GABBR2: variants seen among roughly 807,000 people sequenced by gnomAD.
GABBR2 encodes G-protein coupled receptor 51.
A neutral mutation model predicts 105.6 loss-of-function variants in GABBR2; 23 were observed. The observed-to-expected ratio is 0.22, with a 90% CI of 0.16 to 0.31. The LOEUF is 0.31. GABBR2 is among the 10% of genes least tolerant of loss of function. GABBR2 has a pLI of 1.00. For missense variants in GABBR2, 734 were observed against 1,245.5 expected, an observed-to-expected ratio of 0.59 and a Z score of 6.18; for synonymous variants, 478 against 499.7, an observed-to-expected ratio of 0.96 and a Z score of 0.58.
At chr9:98,694,488 C>A (rs1830724292) in intron 1 of GABBR2, among the ~76,000 whole-genome samples, 1 of 152,254 alleles carries the variant, frequency 6.6e-6, no homozygotes, top group Non-Finnish European at 1.5e-5. Context: ...GGTCACAGAA[C>A]CTCAGTTCCC....
At chr9:98,347,241 G>T (rs1831318065) in intron 13 of GABBR2, among the ~76,000 whole-genome samples, 1 of 152,094 alleles carries the variant, frequency 6.6e-6, no homozygotes, top group South Asian at 2.1e-4. Context: ...GCCAACATTT[G>T]TTACTTTTTG....
Position 98,360,908 on chromosome 9 carries a change from T to C in GABBR2, c.1893+1807A>G, listed in dbSNP as rs542645131. Among the ~76,000 whole-genome samples, 10 of 152,306 alleles carry C rather than the reference T, an allele frequency of 6.6e-5. No homozygotes were observed. In the East Asian group the frequency reaches 1.5e-3, roughly 24 times the overall value. On this transcript the variant is annotated intron_variant, in intron 13 of 18. Coordinates refer to ENST00000259455, the MANE Select transcript of GABBR2 (RefSeq NM_005458.8). ...AGAGGCGGCAGCCATTCAGCCTCCC[T>C]AGCCCACTGTTGGGCTCCACACTGA...
At chr9:98,525,541 C>A (rs1469115643) in intron 3 of GABBR2, among the ~76,000 whole-genome samples, 1 of 152,164 alleles carries the variant, frequency 6.6e-6, no homozygotes, top group Non-Finnish European at 1.5e-5. Flanking sequence ...GAAACTGGAA[C>A]CCTCATACCT....
At chr9:98,322,138 G>A (rs1449875029) in intron 13 of GABBR2, among the ~76,000 whole-genome samples, 3 of 151,818 alleles carry the variant, frequency 2.0e-5, no homozygotes, top group African/African-American at 7.3e-5. Flanking sequence ...CTGCTTCCAG[G>A]CCCTCTGGGC....
intron 1 of GABBR2, among the ~76,000 whole-genome samples, chr9:98,706,120 A>C (rs1357979564): frequency 1.3e-5 from 2 of 150,382 alleles, no homozygotes; most frequent in Non-Finnish European, 2.9e-5. Flanking sequence ...AAAAAAAAAA[A>C]AAAAAAGAAG....
chr9:98,324,269 A>C (rs1588102194), intron 13 of GABBR2, among the ~76,000 whole-genome samples: 1 of 152,166 alleles, frequency 6.6e-6, no homozygotes, highest in Admixed American at 6.5e-5. Flanking sequence ...GCTACATCTT[A>C]GATTTTACAG....
intron 1 of GABBR2, among the ~76,000 whole-genome samples, chr9:98,609,604 G>C (rs998213307): frequency 6.6e-6 from 1 of 152,190 alleles, no homozygotes; most frequent in East Asian, 1.9e-4. Flanking sequence ...ACTGGTTGAA[G>C]GGCAGGGCTC....
intron 1 of GABBR2, among the ~76,000 whole-genome samples, chr9:98,600,794 G>A (rs1254948020): frequency 6.6e-6 from 1 of 152,202 alleles, no homozygotes; most frequent in East Asian, 1.9e-4. Context: ...ACGGAACCGT[G>A]CCAGCCTCTG....
intron 1 of GABBR2, among the ~76,000 whole-genome samples, chr9:98,704,706 C>A (rs1830871786): frequency 6.6e-6 from 1 of 151,694 alleles, no homozygotes; most frequent in Non-Finnish European, 1.5e-5. Context: ...AATTATTTTT[C>A]TTTATGCTTC....
chr9:98,684,696 T>C lies in GABBR2; in HGVS notation c.321+23721A>G, dbSNP rs533774417. Among the ~76,000 whole-genome samples the C allele has an allele frequency of 6.6e-5, 10 of 152,300 alleles. No homozygotes were observed. In the South Asian group the frequency reaches 1.2e-3, roughly 19 times the overall value. ...ATCCTAAAACATCAAAACCAAATAT[T>C]GTGTGATACTCTACTGTAACATTTC... On this transcript the variant is annotated intron_variant, in intron 1 of 18. Transcript: ENST00000259455.
At position 98,526,203 on chromosome 9, in the gene GABBR2, A is replaced by G. The variant is rs541301369; in HGVS notation, c.630+15670T>C. Among the ~76,000 whole-genome samples the G allele has an allele frequency of 6.6e-5, 10 of 152,288 alleles. No homozygotes were observed. In the East Asian group the frequency reaches 9.7e-4, roughly 15 times the overall value. ...CAAAACATTCTCCAATAGTTTCCCAACTGACTCAAAGTATAAGCCAAAGTC... is the reference window on the plus strand; with the variant it reads ...CAAAACATTCTCCAATAGTTTCCCAGCTGACTCAAAGTATAAGCCAAAGTC... On this transcript the variant is annotated intron_variant, in intron 3 of 18. Transcript: ENST00000259455.
At chr9:98,576,735 A>G (rs1828912825) in intron 2 of GABBR2, among the ~76,000 whole-genome samples, 2 of 152,214 alleles carry the variant, frequency 1.3e-5, no homozygotes, top group African/African-American at 4.8e-5. Context: ...CAGACCCTCC[A>G]TATACAACCT....
At position 98,306,354 on chromosome 9, in the gene GABBR2, G is replaced by A. The variant is rs1327343448; in HGVS notation, c.2005-9C>T. ...AAGAAACAACCGAACAACTGAAATG[G>A]TGAACAGAAAGGGGAGAGATGATCG... On this transcript the variant is annotated splice_polypyrimidine_tract_variant and intron_variant, in intron 14 of 18. Transcript: ENST00000259455. This position sits in a 1 kb window ranked among gnomAD's most constrained non-coding sequence, Gnocchi z 5.4. 1 of 1,602,816 alleles carries A rather than the reference G, an allele frequency of 6.2e-7. No homozygotes were observed. Among genetic ancestry groups the A allele is most frequent in the Non-Finnish European group, 8.5e-7 (1 of 1,170,204 alleles).
intron 13 of GABBR2, among the ~76,000 whole-genome samples, chr9:98,312,721 GC>G (rs2131364140): frequency 6.6e-6 from 1 of 152,250 alleles, no homozygotes; most frequent in Non-Finnish European, 1.5e-5. Context: ...GCAAAGAAGA[GC>G]TTTCCTTTCC....
intron 3 of GABBR2, among the ~76,000 whole-genome samples, chr9:98,526,978 C>A (rs1283377594): frequency 2.0e-5 from 3 of 151,652 alleles, no homozygotes; most frequent in African/African-American, 7.3e-5. Context: ...AAGTCAAGGA[C>A]AAGACAAGAA....
chr9:98,391,807 C>T (rs1456626227), intron 9 of GABBR2, among the ~76,000 whole-genome samples: 1 of 152,078 alleles, frequency 6.6e-6, no homozygotes, highest in African/African-American at 2.4e-5. Context: ...GAGGTCCCCT[C>T]GCTCTGAGCA....
At chr9:98,574,903 C>T (rs935921082) in intron 2 of GABBR2, among the ~76,000 whole-genome samples, 1 of 152,194 alleles carries the variant, frequency 6.6e-6, no homozygotes, top group Non-Finnish European at 1.5e-5. Flanking sequence ...GCCTCTCATG[C>T]CTGGACAAAG....
In GABBR2 at chr9:98,658,979, C is replaced by T. The variant is rs1388872802; in HGVS notation, c.321+49438G>A. ...CATGTACTCAAAGCCAATTTATTCT[C>T]ACTCTGGGCAAAATACTCCAAGTCT... On this transcript the variant is annotated intron_variant, in intron 1 of 18. Transcript: ENST00000259455. 3.7e-4 allele frequency among the ~76,000 whole-genome samples: 56 copies of T among 152,210 alleles called. 1 individual carries two copies.
chr9:98,606,533 T>C (rs1332115788), intron 1 of GABBR2, among the ~76,000 whole-genome samples: 2 of 146,538 alleles, frequency 1.4e-5, no homozygotes, highest in Non-Finnish European at 3.0e-5. Context: ...CAGGCTGGAC[T>C]GCAATGGCAC....
Sources: gnomAD v4.1 joint callset for allele counts (sites outside exome capture counted in the v4.1 genomes callset) on GRCh38, gnomAD v4.1.1 for gene constraint, Gnocchi (gnomAD v3.1) non-coding constraint, MANE v1.5 for transcripts, NCBI Gene and HGNC (gene_info 2026-07-23, HGNC 2026-07-21) for gene names.